The following LRFN2 variants were observed in gnomAD, a reference collection of about 807,000 sequenced individuals.
The protein encoded by LRFN2 is leucine-rich repeat and fibronectin type-III domain-containing protein 2.
Under a neutral mutation model 37.3 loss-of-function variants are expected in LRFN2, and 18 were observed. The ratio of observed to expected loss-of-function variants is 0.48; its 90% CI spans 0.33 to 0.72. LRFN2 has a LOEUF of 0.72. Among genes scored for constraint, LRFN2 ranks in the 30% least tolerant of loss-of-function variants. The pLI is 0.02. For synonymous variants in LRFN2, 556 were observed against 466.6 expected (o/e 1.19, Z -2.47); for missense variants, 1,006 against 1,060.7 (o/e 0.95, Z 0.72).
intron 2 of LRFN2, among the ~76,000 whole-genome samples, chr6:40,402,746 C>G (rs1762766903): frequency 6.6e-6 from 1 of 152,176 alleles, no homozygotes; most frequent in Non-Finnish European, 1.5e-5. Flanking sequence ...GGAAGTACAT[C>G]TAATAATTGT....
intron 1 of LRFN2, among the ~76,000 whole-genome samples, chr6:40,451,356 G>A (rs1581716148): frequency 6.6e-6 from 1 of 152,186 alleles, no homozygotes. Context: ...TCCATGAAGA[G>A]AGGCTGGAGG....
chr6:40,496,191 T>A (rs1436934069), intron 1 of LRFN2, among the ~76,000 whole-genome samples: 1 of 152,098 alleles, frequency 6.6e-6, no homozygotes, highest in African/African-American at 2.4e-5. Flanking sequence ...ATCCAACCCC[T>A]TCTTACCACC....
chr6:40,514,045 G>T (rs550512272), intron 1 of LRFN2, among the ~76,000 whole-genome samples: 2 of 152,042 alleles, frequency 1.3e-5, no homozygotes, highest in Admixed American at 1.3e-4. Flanking sequence ...CTATCCAACC[G>T]GCTGGGGAGT....
At chr6:40,550,972 G>A (rs1313123301) in intron 1 of LRFN2, among the ~76,000 whole-genome samples, 5 of 152,174 alleles carry the variant, frequency 3.3e-5, no homozygotes, top group Non-Finnish European at 7.3e-5. Context: ...CCAAAGAGGT[G>A]GACTGCAGTG....
chr6:40,482,978 C>G (rs1700232011), intron 1 of LRFN2, among the ~76,000 whole-genome samples: 1 of 152,244 alleles, frequency 6.6e-6, no homozygotes, highest in Admixed American at 6.5e-5. Context: ...TCCCTCTGTT[C>G]CCTTGGCCTC....
At chr6:40,499,988 T>C (rs1765334241) in intron 1 of LRFN2, among the ~76,000 whole-genome samples, 1 of 152,246 alleles carries the variant, frequency 6.6e-6, no homozygotes, top group South Asian at 2.1e-4. Context: ...GAAGCTCTAA[T>C]AACCCTTAGA....
intron 1 of LRFN2, among the ~76,000 whole-genome samples, chr6:40,454,309 A>G (rs1173009211): frequency 6.6e-6 from 1 of 152,198 alleles, no homozygotes; most frequent in Non-Finnish European, 1.5e-5. Flanking sequence ...CAATTTGGAA[A>G]TATCTATAGA....
chr6:40,448,246 G>T (rs1581713691), intron 1 of LRFN2, among the ~76,000 whole-genome samples: 3 of 152,202 alleles, frequency 2.0e-5, no homozygotes, highest in Admixed American at 2.0e-4. Context: ...AGAGCCAAGT[G>T]CTTGGCTGAG....
chr6:40,403,466 C>T (rs1205156423), intron 2 of LRFN2, among the ~76,000 whole-genome samples: 1 of 152,156 alleles, frequency 6.6e-6, no homozygotes, highest in African/African-American at 2.4e-5. Context: ...GTTCTTCTGC[C>T]CTTGTGGCTC....
At chr6:40,528,656 G>A (rs550526458) in intron 1 of LRFN2, among the ~76,000 whole-genome samples, 5 of 152,300 alleles carry the variant, frequency 3.3e-5, no homozygotes, top group East Asian at 1.9e-4. Context: ...TTCAACTTAC[G>A]ATGGGTTTAG....
At chr6:40,523,186 G>A (rs1423503369) in intron 1 of LRFN2, among the ~76,000 whole-genome samples, 1 of 152,222 alleles carries the variant, frequency 6.6e-6, no homozygotes, top group Non-Finnish European at 1.5e-5. Flanking sequence ...GATAACACCT[G>A]TGAAGGTCCT....
At chr6:40,484,362 G>A (rs1764903101) in intron 1 of LRFN2, among the ~76,000 whole-genome samples, 1 of 152,152 alleles carries the variant, frequency 6.6e-6, no homozygotes, top group Non-Finnish European at 1.5e-5. Context: ...AAACTAAGGA[G>A]CAAGGACTCC....
intron 1 of LRFN2, among the ~76,000 whole-genome samples, chr6:40,566,033 T>A (rs1302492975): frequency 6.6e-6 from 1 of 151,818 alleles, no homozygotes; most frequent in Admixed American, 6.6e-5. Context: ...TCAAAAAATT[T>A]ACAAGAAAAA....
At chr6:40,500,910 G>A (rs1291166888) in intron 1 of LRFN2, among the ~76,000 whole-genome samples, 1 of 150,912 alleles carries the variant, frequency 6.6e-6, no homozygotes, top group Non-Finnish European at 1.5e-5. Flanking sequence ...AATGACGGGT[G>A]GTGGTATTTT....
chr6:40,396,686 C>CTGTGTGTGTGTGTGTGTGTG (rs3997706), intron 2 of LRFN2, among the ~76,000 whole-genome samples: 4 of 135,134 alleles, frequency 3.0e-5, no homozygotes, highest in African/African-American at 8.6e-5. Flanking sequence ...TTCCTCTGCT[C>CTGTGTGTGTGTGTGTGTGTG]TGTGTGTGTG....
chr6:40,405,843 C>T (rs1239317347), intron 2 of LRFN2, among the ~76,000 whole-genome samples: 2 of 152,238 alleles, frequency 1.3e-5, no homozygotes, highest in Admixed American at 6.5e-5. Flanking sequence ...CCCCAGCAGG[C>T]TGCCTCTGTG....
chr6:40,420,322 T>C (rs1363775386), intron 2 of LRFN2, among the ~76,000 whole-genome samples: 1 of 152,228 alleles, frequency 6.6e-6, no homozygotes, highest in African/African-American at 2.4e-5. Flanking sequence ...TTGTGATCCC[T>C]TCTGTCACCC....
chr6:40,527,218 G>C (rs1766270720), intron 1 of LRFN2, among the ~76,000 whole-genome samples: 1 of 152,240 alleles, frequency 6.6e-6, no homozygotes, highest in Non-Finnish European at 1.5e-5. Flanking sequence ...AAGGCCTAGA[G>C]CTGCAGACAG....
intron 1 of LRFN2, among the ~76,000 whole-genome samples, chr6:40,565,837 T>C (rs1339348506): frequency 1.3e-5 from 2 of 151,966 alleles, no homozygotes; most frequent in Non-Finnish European, 2.9e-5. Context: ...AAGGACTTCA[T>C]GTCTAAAACA....
Sources: allele counts gnomAD v4.1 joint callset (sites outside exome capture counted in the v4.1 genomes callset), GRCh38; gene constraint gnomAD v4.1.1; transcripts MANE v1.5; gene names NCBI Gene and HGNC (gene_info 2026-07-23, HGNC 2026-07-21).